The following SLC44A1 variants were observed in gnomAD, a reference collection of about 807,000 sequenced individuals.
SLC44A1 encodes the protein solute carrier family 44 member 1.
A neutral mutation model predicts 79.3 loss-of-function variants in SLC44A1; 26 were observed. That is an observed-to-expected ratio of 0.33 (90% CI 0.24 to 0.46). SLC44A1 has a LOEUF of 0.46. Ranked by LOEUF, SLC44A1 falls within the 20% of genes least tolerant of loss-of-function variation. The probability of loss-of-function intolerance (pLI) is 1.00; values close to 1 mark genes in which losing one functional copy is unlikely to be tolerated. For synonymous variants in SLC44A1, 263 were observed against 286.2 expected (o/e 0.92, Z 0.82); for missense variants, 688 against 798.1 (o/e 0.86, Z 1.66).
rs1454313581 is a variant in SLC44A1, at chr9:105,383,147, T to G, written c.1657T>G (p.Leu553Val). 6.2e-7 allele frequency: 1 copy of G among 1,613,840 alleles called. No individual in the cohort carries two copies. Among genetic ancestry groups the G allele is most frequent in the African/African-American group, 1.3e-5 (1 of 74,920 alleles). The change falls in exon 14 of 16, where the codon TTA becomes GTA. Residue 553 changes from leucine to valine, a missense_variant. Physicochemically the swap from Leu to Val is conservative, Grantham distance 32 (BLOSUM62 1). Transcript: ENST00000374720. ...GGTGCTGATAGTCTGCAGCACAGGT[T>G]TAGCTGGGATTATGCTGCTCAACTA... ...GKVLIVCSTG[L>V]AGIMLLNYQQ...
chr9:105,327,514 C>G (rs1826617221), intron 3 of SLC44A1, among the ~76,000 whole-genome samples: 1 of 152,122 alleles, frequency 6.6e-6, no homozygotes. Flanking sequence ...AACTCCTGAC[C>G]TCAAGTGATC....
At chr9:105,270,924 G>A (rs112631562) in intron 1 of SLC44A1, among the ~76,000 whole-genome samples, 1 of 152,178 alleles carries the variant, frequency 6.6e-6, no homozygotes, top group Non-Finnish European at 1.5e-5. Flanking sequence ...TGAGACAGGC[G>A]TTTCTGAACA....
At chr9:105,354,039 CTTTTTTTTTTTTTTTTT>C (rs556502972) in intron 5 of SLC44A1, among the ~76,000 whole-genome samples, 60 of 98,486 alleles carry the variant, frequency 6.1e-4, no homozygotes, top group African/African-American at 2.7e-3. Flanking sequence ...ACAGTTAATC[CTTTTTTTTTTTTTTTTT>C]TTTTTTTTTT....
At chr9:105,279,269 G>C (rs907948091) in intron 1 of SLC44A1, among the ~76,000 whole-genome samples, 12 of 148,790 alleles carry the variant, frequency 8.1e-5, no homozygotes, top group African/African-American at 3.0e-4. Context: ...ATTTGAAAAA[G>C]CTCAACATCT....
intron 1 of SLC44A1, among the ~76,000 whole-genome samples, chr9:105,290,926 T>C (rs940396303): frequency 2.0e-5 from 3 of 152,224 alleles, no homozygotes; most frequent in Non-Finnish European, 4.4e-5. Context: ...TGCTTTTAGT[T>C]TTACCTTTCC....
At chr9:105,336,324 A>G (rs1183829715) in intron 4 of SLC44A1, among the ~76,000 whole-genome samples, 1 of 152,150 alleles carries the variant, frequency 6.6e-6, no homozygotes, top group Admixed American at 6.5e-5. Flanking sequence ...GTTCTGTCAT[A>G]GCTCTTTTTC....
intron 1 of SLC44A1, among the ~76,000 whole-genome samples, chr9:105,290,411 G>C (rs1830576454): frequency 6.6e-6 from 1 of 152,264 alleles, no homozygotes; most frequent in African/African-American, 2.4e-5. Context: ...AAATTAAATA[G>C]TAATTTTAAA....
At chr9:105,279,159 A>G (rs1310303675) in intron 1 of SLC44A1, among the ~76,000 whole-genome samples, 1 of 149,232 alleles carries the variant, frequency 6.7e-6, no homozygotes, top group Non-Finnish European at 1.5e-5. Flanking sequence ...AGATCGCACC[A>G]CTGCACTCCA....
chr9:105,376,160 G>A (rs1828275725), intron 13 of SLC44A1, among the ~76,000 whole-genome samples: 1 of 152,128 alleles, frequency 6.6e-6, no homozygotes, highest in Non-Finnish European at 1.5e-5. Flanking sequence ...GCATGGAGAA[G>A]TATATATAGC....
intron 5 of SLC44A1, 140 bp from the exon 6 acceptor site, chr9:105,356,072 C>T: frequency 1.5e-6 from 1 of 665,100 alleles, no homozygotes; most frequent in Non-Finnish European, 2.6e-6. Flanking sequence ...GCATTAAGCA[C>T]ACAGCTCTTA....
intron 1 of SLC44A1, among the ~76,000 whole-genome samples, chr9:105,276,766 A>G (rs1288073415): frequency 2.6e-5 from 4 of 152,210 alleles, no homozygotes; most frequent in Admixed American, 6.5e-5. Context: ...GCTCAGTAGC[A>G]TCAAGAAAAC....
intron 1 of SLC44A1, among the ~76,000 whole-genome samples, chr9:105,258,075 A>C (rs766371262): frequency 2.0e-5 from 3 of 152,242 alleles, no homozygotes; most frequent in Non-Finnish European, 2.9e-5. Flanking sequence ...GAGTCAAAAT[A>C]AAATAGACCT....
rs142138391 is a variant in SLC44A1, at chr9:105,434,965, T to G, written c.1951-3316T>G. Among the ~76,000 whole-genome samples, 420 of 152,168 alleles carry G rather than the reference T, an allele frequency of 2.8e-3. 4 individuals are homozygous for G. The East Asian group carries it at 0.04, about 15-fold the overall frequency. ...TTTAAGACCAGCCTAGGCAACCTGG[T>G]GTAATCCCATCTCTACAAAAAATAC... is the stretch of plus-strand genomic sequence containing the variant. On this transcript the variant is annotated intron_variant, in intron 15 of 15. Coordinates refer to the SLC44A1 transcript ENST00000374724.
chr9:105,438,040 T>TG (rs201528358), intron 15 of SLC44A1, among the ~76,000 whole-genome samples: 1,882 of 152,316 alleles, frequency 0.012, 25 homozygotes, highest in African/African-American at 0.042. Flanking sequence ...TTTTATACAT[T>TG]GGGAAATGTA....
downstream of SLC44A1, among the ~76,000 whole-genome samples, chr9:105,398,899 A>G (rs952772299): frequency 4.6e-5 from 7 of 152,226 alleles, no homozygotes; most frequent in Admixed American, 4.6e-4. Context: ...TGGGCCGCAC[A>G]TAAAATACGC....
At chr9:105,307,849 GA>G (rs761224869) in intron 2 of SLC44A1, among the ~76,000 whole-genome samples, 11 of 152,110 alleles carry the variant, frequency 7.2e-5, no homozygotes, top group Non-Finnish European at 1.5e-4. Flanking sequence ...GCATTGGGTT[GA>G]AGTTCTGAGG....
intron 2 of SLC44A1, among the ~76,000 whole-genome samples, chr9:105,306,010 A>C (rs1831021903): frequency 6.6e-6 from 1 of 152,166 alleles, no homozygotes; most frequent in African/African-American, 2.4e-5. Flanking sequence ...TTGCCAGGTC[A>C]TGCCTCTGAC....
Position 105,374,659 on chromosome 9 carries a change from T to C in SLC44A1, c.1556T>C (p.Phe519Ser), listed in dbSNP as rs370416071. 20 of 1,613,756 alleles carry C rather than the reference T, an allele frequency of 1.2e-5. No individual in the cohort carries two copies. In the African/African-American group the frequency reaches 2.4e-4, roughly 19 times the overall value. ...TTCTGCACCTCAGCAAAGGATGCCT[T>C]TGTCATTCTGGTGGAGAATGCTTTG... ...TNFCTSAKDA[F>S]VILVENALRV... The change falls in exon 13 of 16, where the codon TTT becomes TCT. Residue 519 changes from phenylalanine to serine, a missense_variant. Coordinates refer to ENST00000374720, the MANE Select transcript of SLC44A1 (RefSeq NM_080546.5).
At chr9:105,272,971 A>G (rs746695453) in intron 1 of SLC44A1, among the ~76,000 whole-genome samples, 18 of 151,430 alleles carry the variant, frequency 1.2e-4, no homozygotes, top group African/African-American at 1.7e-4. Flanking sequence ...TCATATATAT[A>G]TATATATGTA....
Sources: gnomAD v4.1 joint callset for allele counts (sites outside exome capture counted in the v4.1 genomes callset) on GRCh38, gnomAD v4.1.1 for gene constraint, MANE v1.5 for transcripts, NCBI Gene and HGNC (gene_info 2026-07-23, HGNC 2026-07-21) for gene names.